The following ZFYVE28 variants were observed in gnomAD, a reference collection of about 807,000 sequenced individuals.
ZFYVE28 encodes the protein zinc finger FYVE-type containing 28.
A neutral mutation model predicts 82.1 loss-of-function variants in ZFYVE28; 40 were observed. The observed-to-expected ratio is 0.49, with a 90% CI of 0.38 to 0.63. ZFYVE28 has a LOEUF of 0.63. Among genes scored for constraint, ZFYVE28 ranks in the 30% least tolerant of loss-of-function variants. ZFYVE28 has a pLI of 0.00. For missense variants in ZFYVE28, 1,321 were observed against 1,242.1 expected (o/e 1.06, Z -0.96); for synonymous variants, 612 against 546.1 (o/e 1.12, Z -1.68).
chr4:2,318,201 G>C (rs953594368), intron 7 of ZFYVE28, among the ~76,000 whole-genome samples: 2 of 152,156 alleles, frequency 1.3e-5, no homozygotes, highest in Non-Finnish European at 2.9e-5. Context: ...ACCTCCAAAG[G>C]CTCCCTTCCC....
chr4:2,271,195 G>A, intron 12 of ZFYVE28, 116 bp downstream of exon 12: 4 of 1,086,472 alleles, frequency 3.7e-6, no homozygotes, highest in African/African-American at 1.6e-5. Flanking sequence ...CTCTGCACAA[G>A]ACCCCACAGG....
At chr4:2,349,360 A>T (rs1041603260) in intron 2 of ZFYVE28, among the ~76,000 whole-genome samples, 1 of 107,180 alleles carries the variant, frequency 9.3e-6, no homozygotes, top group Non-Finnish European at 1.7e-5. Context: ...CACTCTGGGG[A>T]CTGTTGTGGG....
rs533796816 is a variant in ZFYVE28, at chr4:2,329,694, T to C, written c.701+6011A>G. Among the ~76,000 whole-genome samples the C allele has an allele frequency of 3.7e-3, 561 of 152,348 alleles. 2 individuals carry two copies. The highest frequency in any genetic ancestry group is 0.013 in the African/African-American group (545 of 41,588). On this transcript the variant is annotated intron_variant, in intron 6 of 12. Coordinates refer to ENST00000290974, the MANE Select transcript of ZFYVE28 (RefSeq NM_020972.3). ...GTTTTACCTATCAATGTTAAGAAAC[T>C]CTGTAAAATAGAGACATACTATTTG...
chr4:2,370,143 C>T lies in ZFYVE28; in HGVS notation c.40-16070G>A, dbSNP rs942217312. ...GATTACAGGTGTGAACCAACACGCC[C>T]GGCCGATTTTTGTTGTTTTAAGCAC... On this transcript the variant is annotated intron_variant, in intron 1 of 12. Transcript: ENST00000290974. Among the ~76,000 whole-genome samples the T allele has an allele frequency of 2.6e-5, 4 of 151,964 alleles. No homozygotes were observed. The South Asian group carries it at 6.2e-4, about 24-fold the overall frequency.
chr4:2,416,739 A>G lies in ZFYVE28; in HGVS notation c.39+1546T>C, dbSNP rs1733084019. ...AACGCAAGGCTCGGGACGAACCCTT[A>G]AGAAGTCGCTGCTAGGGACAGGGAG... On this transcript the variant is annotated intron_variant, in intron 1 of 12. Coordinates refer to ENST00000290974, the MANE Select transcript of ZFYVE28 (RefSeq NM_020972.3). This position sits in a 1 kb window ranked among gnomAD's most constrained non-coding sequence, Gnocchi z 4.6. Among the ~76,000 whole-genome samples, 1 of 152,172 alleles carries G rather than the reference A, an allele frequency of 6.6e-6. No individual in the cohort carries two copies. The highest frequency in any genetic ancestry group is 2.1e-4 in the South Asian group (1 of 4,832).
At chr4:2,387,139 C>T (rs1729350472) in intron 1 of ZFYVE28, among the ~76,000 whole-genome samples, 1 of 152,224 alleles carries the variant, frequency 6.6e-6, no homozygotes, top group African/African-American at 2.4e-5. Context: ...GTCCGTTTGC[C>T]TGCAGGAGGA....
At chr4:2,413,180 A>C (rs530242676) in intron 1 of ZFYVE28, among the ~76,000 whole-genome samples, 1 of 152,250 alleles carries the variant, frequency 6.6e-6, no homozygotes, top group East Asian at 1.9e-4. Flanking sequence ...CCCAACCACA[A>C]ACAGAAACCT....
At chr4:2,374,904 C>G (rs1333774933) in intron 1 of ZFYVE28, among the ~76,000 whole-genome samples, 1 of 152,188 alleles carries the variant, frequency 6.6e-6, no homozygotes, top group Non-Finnish European at 1.5e-5. Flanking sequence ...TGTGGCTCAG[C>G]AGCATGTGAT....
intron 1 of ZFYVE28, among the ~76,000 whole-genome samples, chr4:2,388,493 A>C (rs1044601318): frequency 6.6e-6 from 1 of 152,164 alleles, no homozygotes; most frequent in Non-Finnish European, 1.5e-5. Context: ...GGGAAGTACC[A>C]GGGCCTTTCT....
rs561639682 is a variant in ZFYVE28, at chr4:2,294,225, C to G, written c.2051+10064G>C. On this transcript the variant is annotated intron_variant, in intron 8 of 12. Transcript: ENST00000290974. The stretch of plus-strand genomic sequence containing the variant: ...TATTATAAAGCTACCATATTTAGGA[C>G]AGTGTGGCATTGGTGTCAATACAGG... 2.0e-5 allele frequency among the ~76,000 whole-genome samples: 3 copies of G among 152,294 alleles called. No individual in the cohort carries two copies. The East Asian group carries it at 5.8e-4, about 29-fold the overall frequency.
At position 2,362,640 on chromosome 4, in the gene ZFYVE28, C is replaced by T. The variant is rs1389983949; in HGVS notation, c.40-8567G>A. On this transcript the variant is annotated intron_variant, in intron 1 of 12. Coordinates refer to ENST00000290974, the MANE Select transcript of ZFYVE28 (RefSeq NM_020972.3). This position sits in a 1 kb window ranked among gnomAD's most constrained non-coding sequence, Gnocchi z 5.1. ...GCTGCCAGGCTGGGGGCCCACTGAC[C>T]TGGCAGCACCACCAGCCACCGGCAG... Among the ~76,000 whole-genome samples the T allele has an allele frequency of 1.3e-5, 2 of 152,192 alleles. No homozygotes were observed. The highest frequency in any genetic ancestry group is 4.8e-5 in the African/African-American group (2 of 41,452).
chr4:2,296,576 A>C (rs1456065439), intron 8 of ZFYVE28, among the ~76,000 whole-genome samples: 1 of 150,882 alleles, frequency 6.6e-6, no homozygotes, highest in East Asian at 1.9e-4. Flanking sequence ...AGTGGGTGGA[A>C]GGTCTCGGTG....
chr4:2,276,896 C>G (rs759621166), intron 8 of ZFYVE28, among the ~76,000 whole-genome samples: 2 of 151,972 alleles, frequency 1.3e-5, no homozygotes, highest in Non-Finnish European at 2.9e-5. Flanking sequence ...GTGACAGTTG[C>G]ACGGCACTGA....
chr4:2,369,839 T>TTTTATTTTATTTTTTTTA (rs561534155), intron 1 of ZFYVE28, among the ~76,000 whole-genome samples: 4 of 139,670 alleles, frequency 2.9e-5, no homozygotes, highest in African/African-American at 5.3e-5. Flanking sequence ...AGGGATTTTT[T>TTTTATTTTATTTTTTTTA]TTTTTCTTTT....
intron 4 of ZFYVE28, among the ~76,000 whole-genome samples, chr4:2,338,533 C>T (rs982176557): frequency 2.1e-4 from 32 of 152,242 alleles, no homozygotes; most frequent in African/African-American, 5.5e-4. Context: ...GTGGAGGTCG[C>T]GGTGAGCTGA....
At chr4:2,312,239 G>A (rs2108830700) in intron 7 of ZFYVE28, among the ~76,000 whole-genome samples, 1 of 152,306 alleles carries the variant, frequency 6.6e-6, no homozygotes, top group South Asian at 2.1e-4. Flanking sequence ...CTATTATCAT[G>A]TAGTTAAAAC....
intron 8 of ZFYVE28, among the ~76,000 whole-genome samples, chr4:2,288,241 G>A (rs1420446539): frequency 1.3e-5 from 2 of 152,218 alleles, no homozygotes; most frequent in Non-Finnish European, 2.9e-5. Flanking sequence ...TCCCAGCCAT[G>A]ATCACTGGGT....
At chr4:2,309,382 T>G (rs1446070541) in intron 7 of ZFYVE28, among the ~76,000 whole-genome samples, 1 of 152,238 alleles carries the variant, frequency 6.6e-6, no homozygotes. Flanking sequence ...TCTTAGGTAT[T>G]CTGTGATAGC....
chr4:2,371,912 C>A (rs973149628), intron 1 of ZFYVE28, among the ~76,000 whole-genome samples: 1 of 151,946 alleles, frequency 6.6e-6, no homozygotes, highest in Non-Finnish European at 1.5e-5. Context: ...GCTCCAGGGC[C>A]GTGAGCTGAT....
Sources: allele counts gnomAD v4.1 joint callset (sites outside exome capture counted in the v4.1 genomes callset), GRCh38; gene constraint gnomAD v4.1.1; non-coding constraint Gnocchi (gnomAD v3.1); transcripts MANE v1.5; gene names NCBI Gene and HGNC (gene_info 2026-07-23, HGNC 2026-07-21).